The following IQCM variants were observed in gnomAD, a reference collection of about 807,000 sequenced individuals.
The protein encoded by IQCM is IQ motif containing M, also known as IQ domain-containing protein M.
In IQCM, 45 loss-of-function variants were observed where a neutral mutation model predicts 57.6. The ratio of observed to expected loss-of-function variants is 0.78; its 90% confidence interval spans 0.62 to 1.00. The LOEUF (loss-of-function observed/expected upper bound fraction) is 1.00. IQCM is among the 50% of genes least tolerant of loss of function. The pLI is 0.00. For synonymous variants in IQCM, 148 were observed against 158.9 expected, an observed-to-expected ratio of 0.93 and a Z score of 0.51; for missense variants, 468 against 511.6, an observed-to-expected ratio of 0.91 and a Z score of 0.82.
intron 7 of IQCM, among the ~76,000 whole-genome samples, chr4:149,669,457 C>T (rs1267323310): frequency 6.6e-6 from 1 of 152,124 alleles, no homozygotes; most frequent in East Asian, 1.9e-4. Flanking sequence ...GTTACTTTTG[C>T]TATGCAGAAG....
chr4:149,433,799 T>C (rs897178438), intron 12 of IQCM, among the ~76,000 whole-genome samples: 2 of 152,002 alleles, frequency 1.3e-5, no homozygotes, highest in African/African-American at 4.8e-5. Flanking sequence ...AGCAGTATTG[T>C]TAAGGCTGTG....
intron 12 of IQCM, among the ~76,000 whole-genome samples, chr4:149,534,671 T>C (rs1747103921): frequency 1.3e-5 from 2 of 152,072 alleles, no homozygotes; most frequent in Non-Finnish European, 2.9e-5. Flanking sequence ...CCTGAAAAAC[T>C]ATGCCAAAAA....
At chr4:149,356,127 G>T (rs36131910) in intron 13 of IQCM, among the ~76,000 whole-genome samples, 1 of 152,024 alleles carries the variant, frequency 6.6e-6, no homozygotes, top group Non-Finnish European at 1.5e-5. Flanking sequence ...TGAGTTCATC[G>T]TAGATTCTGG....
Position 149,733,484 on chromosome 4 carries a change from T to G in IQCM, c.145A>C (p.Asn49His). 8.1e-7 allele frequency: 1 copy of G among 1,228,308 alleles called. No individual in the cohort carries two copies. The highest frequency in any genetic ancestry group is 1.0e-6 in the Non-Finnish European group (1 of 984,574). The allele number at this position is 1,228,308 out of a possible 1,614,324, so 76.1% of individuals were successfully genotyped here. The change falls in exon 5 of 14, where the codon AAT becomes CAT. Residue 49 changes from asparagine (N) to histidine (H), a missense_variant. Transcript: ENST00000636793. ...NENKVQGTSI[N>H]VFRKKHQKPK... is the part of the protein sequence containing the mutation. ...TTTTGGTGTTTCTTTCTAAAAACAT[T>G]TATAGAAGTACCTTGAACTTTATTC... is the stretch of plus-strand genomic sequence containing the variant.
intron 10 of IQCM, among the ~76,000 whole-genome samples, chr4:149,558,753 A>G (rs923320301): frequency 2.6e-5 from 4 of 152,188 alleles, no homozygotes; most frequent in Non-Finnish European, 5.9e-5. Context: ...AAAATGAGGT[A>G]CTTTTATAGA....
chr4:149,398,285 T>C (rs1030627924), intron 13 of IQCM, among the ~76,000 whole-genome samples: 2 of 152,024 alleles, frequency 1.3e-5, no homozygotes, highest in East Asian at 3.9e-4. Context: ...TGTAATATAT[T>C]TTGAAGTCAG....
chr4:149,730,917 T>C (rs754442331), intron 5 of IQCM, among the ~76,000 whole-genome samples: 9 of 152,194 alleles, frequency 5.9e-5, no homozygotes, highest in Non-Finnish European at 1.2e-4. Flanking sequence ...GGTGAAGAAA[T>C]GCATGAGCCC....
chr4:149,554,346 CTTTT>C (rs896560806), intron 10 of IQCM, among the ~76,000 whole-genome samples: 1 of 148,298 alleles, frequency 6.7e-6, no homozygotes, highest in Admixed American at 6.7e-5. Context: ...TGTTTTCATC[CTTTT>C]TTTTTTTCTT....
chr4:149,416,740 A>T (rs758343141), intron 13 of IQCM, among the ~76,000 whole-genome samples: 1 of 152,142 alleles, frequency 6.6e-6, no homozygotes, highest in Non-Finnish European at 1.5e-5. Context: ...GCATGATCCA[A>T]TTCACATAGT....
intron 13 of IQCM, among the ~76,000 whole-genome samples, chr4:149,384,009 A>G (rs141877643): frequency 7.8e-4 from 119 of 152,260 alleles, no homozygotes; most frequent in African/African-American, 2.6e-3. Context: ...TTATAAAATT[A>G]CAGTTTCTGT....
intron 13 of IQCM, among the ~76,000 whole-genome samples, chr4:149,377,553 T>C (rs1295788767): frequency 6.6e-6 from 1 of 152,212 alleles, no homozygotes; most frequent in Non-Finnish European, 1.5e-5. Flanking sequence ...GATGTCCTCA[T>C]TCAGTACTGT....
At chr4:149,525,277 A>G (rs948445800) in intron 12 of IQCM, among the ~76,000 whole-genome samples, 1 of 151,982 alleles carries the variant, frequency 6.6e-6, no homozygotes, top group Non-Finnish European at 1.5e-5. Context: ...CAAGATTTTC[A>G]CTATAAAAAA....
chr4:149,688,270 A>G (rs1273495036), intron 5 of IQCM, among the ~76,000 whole-genome samples: 1 of 152,070 alleles, frequency 6.6e-6, no homozygotes, highest in African/African-American at 2.4e-5. Flanking sequence ...ATACAAGATT[A>G]ATGTACACAA....
At chr4:149,611,113 T>A (rs1006645952) in intron 8 of IQCM, among the ~76,000 whole-genome samples, 8 of 151,968 alleles carry the variant, frequency 5.3e-5, no homozygotes, top group African/African-American at 1.7e-4. Flanking sequence ...AAAATTGTCA[T>A]CATCACTATT....
At chr4:149,383,439 C>T (rs753856690) in intron 13 of IQCM, among the ~76,000 whole-genome samples, 3 of 152,056 alleles carry the variant, frequency 2.0e-5, no homozygotes, top group Non-Finnish European at 2.9e-5. Context: ...GTCAAGTGGA[C>T]AGCATTTTGG....
At chr4:149,438,354 G>T (rs1231949853) in intron 12 of IQCM, among the ~76,000 whole-genome samples, 1 of 152,012 alleles carries the variant, frequency 6.6e-6, no homozygotes, top group African/African-American at 2.4e-5. Flanking sequence ...AATAATGAAT[G>T]ATATTCATTA....
At chr4:149,653,918 G>A (rs114579486) in intron 7 of IQCM, among the ~76,000 whole-genome samples, 2,256 of 151,730 alleles carry the variant, frequency 0.015, 68 homozygotes, top group African/African-American at 0.052. Flanking sequence ...TATTTGGTGG[G>A]GCAATTTATA....
chr4:149,369,344 G>A (rs550682072), intron 13 of IQCM, among the ~76,000 whole-genome samples: 2 of 151,674 alleles, frequency 1.3e-5, no homozygotes, highest in African/African-American at 4.8e-5. Context: ...ACACCTGGCT[G>A]ACACAAATAC....
At chr4:149,448,620 T>A (rs571368491) in intron 12 of IQCM, among the ~76,000 whole-genome samples, 9 of 151,678 alleles carry the variant, frequency 5.9e-5, no homozygotes, top group African/African-American at 1.7e-4. Context: ...AGACAAAAAA[T>A]TTTTCAATAT....
Sources: allele counts gnomAD v4.1 joint callset (sites outside exome capture counted in the v4.1 genomes callset), GRCh38; gene constraint gnomAD v4.1.1; transcripts MANE v1.5; gene names NCBI Gene and HGNC (gene_info 2026-07-23, HGNC 2026-07-21).